Variants in DISC1 observed in about 807,000 individuals in gnomAD.
DISC1 encodes disrupted in schizophrenia 1 protein.
In DISC1, 57 loss-of-function variants were observed where a neutral mutation model predicts 84.5. The ratio of observed to expected loss-of-function variants is 0.67; its 90% CI spans 0.55 to 0.84. DISC1 has a LOEUF of 0.84. Among genes scored for constraint, DISC1 ranks in the 40% least tolerant of loss-of-function variants. The pLI, the probability that DISC1 is intolerant of heterozygous loss-of-function variation, is 0.00. For missense variants in DISC1, 1,000 were observed against 1,057.8 expected, an observed-to-expected ratio of 0.95 and a Z score of 0.76; for synonymous variants, 411 against 415.2, an observed-to-expected ratio of 0.99 and a Z score of 0.12.
At chr1:231,859,898 T>C (rs1219519530) in intron 9 of DISC1, among the ~76,000 whole-genome samples, 1 of 152,174 alleles carries the variant, frequency 6.6e-6, no homozygotes, top group Non-Finnish European at 1.5e-5. Context: ...GGGGCTCCTC[T>C]TTCCCATCCA....
chr1:231,808,976 G>A (rs1241454994), intron 8 of DISC1, among the ~76,000 whole-genome samples: 2 of 152,182 alleles, frequency 1.3e-5, no homozygotes, highest in African/African-American at 4.8e-5. Flanking sequence ...CTCCAGATAG[G>A]AATGAAGCAT....
chr1:231,967,337 G>A (rs2102798808), intron 10 of DISC1, among the ~76,000 whole-genome samples: 1 of 152,306 alleles, frequency 6.6e-6, no homozygotes, highest in East Asian at 1.9e-4. Context: ...TTCCAAAACA[G>A]GTGCACACAA....
rs2103057206 is a variant in DISC1, at chr1:232,031,171, A to T, written c.2425+4619A>T. 7.2e-6 allele frequency among the ~76,000 whole-genome samples: 1 copy of T among 138,160 alleles called. No homozygotes were observed. Among genetic ancestry groups the T allele is most frequent in the African/African-American group, 2.7e-5 (1 of 37,220 alleles). The allele number at this position is 138,160 out of a possible 152,430, so 90.6% of individuals were successfully genotyped here. A position where few individuals can be genotyped will look rare whatever the true frequency, so the allele number is the denominator to read the frequency against. ...GAGGAGAGAGAGAGAGAGAACAGGA[A>T]GGAAGGAAGGGAGAAAGGAGAGACA... On this transcript the variant is annotated intron_variant, in intron 12 of 12. Transcript: ENST00000439617. The surrounding 1 kb of genome is among the most constrained non-coding windows in gnomAD (Gnocchi z 4.6).
At chr1:232,012,926 A>G (rs1668159475) in intron 11 of DISC1, among the ~76,000 whole-genome samples, 1 of 152,136 alleles carries the variant, frequency 6.6e-6, no homozygotes, top group South Asian at 2.1e-4. Flanking sequence ...TCGAATTGTA[A>G]GAGCCCTTTT....
intron 9 of DISC1, among the ~76,000 whole-genome samples, chr1:231,902,096 T>G (rs1448324748): frequency 5.8e-4 from 88 of 151,990 alleles, no homozygotes; most frequent in Non-Finnish European, 1.2e-4. Context: ...ATCAGTACAT[T>G]ATGGCAACTT....
intron 12 of DISC1, among the ~76,000 whole-genome samples, chr1:232,036,485 T>A (rs550525661): frequency 6.6e-6 from 1 of 152,274 alleles, no homozygotes; most frequent in Non-Finnish European, 1.5e-5. Context: ...AGTCAATACC[T>A]CAGGCATTGT....
intron 6 of DISC1, among the ~76,000 whole-genome samples, chr1:231,783,240 T>C (rs1196238212): frequency 6.6e-6 from 1 of 152,172 alleles, no homozygotes; most frequent in Non-Finnish European, 1.5e-5. Context: ...TTTAAATACA[T>C]CGTGGTTATG....
At chr1:231,646,455 A>T (rs554757163) in intron 1 of DISC1, among the ~76,000 whole-genome samples, 20 of 152,288 alleles carry the variant, frequency 1.3e-4, no homozygotes, top group Non-Finnish European at 2.8e-4. Flanking sequence ...ATAGTGCTGC[A>T]TATAAACATA....
intron 3 of DISC1, among the ~76,000 whole-genome samples, chr1:231,704,344 A>G (rs2066762421): frequency 6.6e-6 from 1 of 152,148 alleles, no homozygotes; most frequent in Admixed American, 6.5e-5. Context: ...GGGTGAAGGG[A>G]AAGATCTTTG....
chr1:231,718,224 C>A (rs2069047676), intron 3 of DISC1, among the ~76,000 whole-genome samples: 1 of 152,180 alleles, frequency 6.6e-6, no homozygotes, highest in African/African-American at 2.4e-5. Flanking sequence ...ATCCTTCAAT[C>A]CCTTTCCAAT....
chr1:231,994,696 A>T lies in DISC1; in HGVS notation c.2043-14089A>T, dbSNP rs183057245. Among the ~76,000 whole-genome samples the T allele has an allele frequency of 1.8e-3, 268 of 152,290 alleles. 2 individuals are homozygous for T. The highest frequency in any genetic ancestry group is 2.7e-3 in the South Asian group (13 of 4,820). ...GCTGGGAGTGGGGATGGGGATGAGG[A>T]TGATGAGGATGATGATGAGTAGCTG... On this transcript the variant is annotated intron_variant, in intron 10 of 12. Transcript: ENST00000439617.
intron 4 of DISC1, among the ~76,000 whole-genome samples, chr1:231,761,289 T>C (rs2793090): frequency 0.98 from 149,177 of 152,284 alleles, 73,119 homozygotes; most frequent in East Asian, 1. Context: ...GATTAGTTTA[T>C]AGCAGCGATG....
Position 231,915,209 on chromosome 1 carries a change from A to G in DISC1, c.1982-43619A>G, listed in dbSNP as rs931842909. On this transcript the variant is annotated intron_variant, in intron 9 of 12. Transcript: ENST00000439617. Reference sequence around the variant, plus strand: ...TTTTCTCTCATATGAAAGCACAGATAGGCAGTCCAGGATTGGCTTGGTGCC... The same window carrying G: ...TTTTCTCTCATATGAAAGCACAGATGGGCAGTCCAGGATTGGCTTGGTGCC... Among the ~76,000 whole-genome samples the G allele has an allele frequency of 3.3e-5, 5 of 152,298 alleles. No individual in the cohort carries two copies. In the South Asian group the frequency reaches 1.0e-3, roughly 32 times the overall value.
chr1:231,849,828 A>G (rs140040874), intron 9 of DISC1, among the ~76,000 whole-genome samples: 1 of 152,342 alleles, frequency 6.6e-6, no homozygotes, highest in East Asian at 1.9e-4. Context: ...TCATGAGCAC[A>G]TATGCAGTTT....
chr1:232,036,918 T>A lies in DISC1; in HGVS notation c.*87T>A. 7.3e-7 allele frequency: 1 copy of A among 1,373,526 alleles called. No individual in the cohort carries two copies. The highest frequency in any genetic ancestry group is 9.6e-7 in the Non-Finnish European group (1 of 1,036,288). 85.1% of individuals were successfully genotyped at this position (1,373,526 alleles called of 1,614,324 possible). A position where few individuals can be genotyped will look rare whatever the true frequency, so the allele number is the denominator to read the frequency against. ...CCTCCCCCGCCATAGCTAAGATGCC[T>A]GAATCAATTACGGAGATACAGAGCC... On this transcript the variant is annotated 3_prime_UTR_variant, in exon 13 of 13. Coordinates refer to ENST00000439617, the MANE Select transcript of DISC1 (RefSeq NM_018662.3).
At chr1:231,696,013 C>G (rs1025130779) in intron 2 of DISC1, among the ~76,000 whole-genome samples, 1 of 152,142 alleles carries the variant, frequency 6.6e-6, no homozygotes, top group Non-Finnish European at 1.5e-5. Context: ...ATTGCCTAAA[C>G]CAGTGCCCCT....
intron 2 of DISC1, 72 bp from the exon 3 acceptor site, chr1:231,701,883 C>G: frequency 7.7e-7 from 1 of 1,295,124 alleles, no homozygotes; most frequent in Non-Finnish European, 1.1e-6. Context: ...TCTAAATGTT[C>G]TTAGTTTTCA....
chr1:231,987,897 C>T (rs1386968656), intron 10 of DISC1, among the ~76,000 whole-genome samples: 1 of 152,066 alleles, frequency 6.6e-6, no homozygotes, highest in Non-Finnish European at 1.5e-5. Context: ...TTTATAAGAA[C>T]CTCAACTTGG....
At chr1:232,024,015 AT>A (rs1669203099) in intron 11 of DISC1, among the ~76,000 whole-genome samples, 1 of 138,062 alleles carries the variant, frequency 7.2e-6, no homozygotes, top group African/African-American at 2.6e-5. Context: ...GTCAGTAAAA[AT>A]ATATATATAT....
Sources: gnomAD v4.1 joint callset for allele counts (sites outside exome capture counted in the v4.1 genomes callset) on GRCh38, gnomAD v4.1.1 for gene constraint, Gnocchi (gnomAD v3.1) non-coding constraint, MANE v1.5 for transcripts, NCBI Gene and HGNC (gene_info 2026-07-23, HGNC 2026-07-21) for gene names.